KCNB2: variants seen among roughly 807,000 people sequenced by gnomAD.
The protein encoded by KCNB2 is delayed rectifier potassium channel protein.
Under a neutral mutation model 61.5 loss-of-function variants are expected in KCNB2, and 15 were observed. The observed-to-expected ratio is 0.24, with a 90% CI of 0.16 to 0.38. The LOEUF (loss-of-function observed/expected upper bound fraction) is 0.38, where lower values mean the gene tolerates loss of function less well. Ranked by LOEUF, KCNB2 falls within the 10% of genes least tolerant of loss-of-function variation. The pLI, the probability that KCNB2 is intolerant of heterozygous loss-of-function variation, is 1.00. For synonymous variants in KCNB2, 457 were observed against 446.0 expected (o/e 1.02, Z -0.31); for missense variants, 828 against 1,125.2 (o/e 0.74, Z 3.78).
At chr8:72,647,758 C>A (rs1806152649) in intron 2 of KCNB2, among the ~76,000 whole-genome samples, 1 of 152,102 alleles carries the variant, frequency 6.6e-6, no homozygotes, top group South Asian at 2.1e-4. Context: ...AGTGTACATA[C>A]AATTAAGGCA....
chr8:72,570,323 G>C (rs1206218699), intron 2 of KCNB2, among the ~76,000 whole-genome samples: 1 of 152,076 alleles, frequency 6.6e-6, no homozygotes, highest in East Asian at 1.9e-4. Context: ...ATCAAGCTAA[G>C]TAAATCTTCA....
intron 2 of KCNB2, among the ~76,000 whole-genome samples, chr8:72,637,147 C>T (rs75530888): frequency 1.3e-5 from 2 of 152,094 alleles, no homozygotes; most frequent in African/African-American, 2.4e-5. Flanking sequence ...CACAGTCTTA[C>T]GCCTCTGACT....
chr8:72,899,516 G>T (rs942167718), intron 2 of KCNB2, among the ~76,000 whole-genome samples: 1 of 152,128 alleles, frequency 6.6e-6, no homozygotes, highest in East Asian at 1.9e-4. Flanking sequence ...ACTGATAAAT[G>T]ACTTTAGTAA....
chr8:72,820,015 C>T (rs1002234252), intron 2 of KCNB2, among the ~76,000 whole-genome samples: 1 of 152,056 alleles, frequency 6.6e-6, no homozygotes, highest in Non-Finnish European at 1.5e-5. Flanking sequence ...TGCTTCTACT[C>T]AAGACAAACT....
intron 2 of KCNB2, among the ~76,000 whole-genome samples, chr8:72,690,813 T>A (rs924360517): frequency 1.3e-5 from 2 of 152,254 alleles, no homozygotes; most frequent in Non-Finnish European, 2.9e-5. Flanking sequence ...TATGTTTTAA[T>A]GTCACAGGTG....
At chr8:72,796,084 C>G (rs1331220498) in intron 2 of KCNB2, among the ~76,000 whole-genome samples, 2 of 152,144 alleles carry the variant, frequency 1.3e-5, no homozygotes, top group Admixed American at 6.5e-5. Context: ...ATAATAGTTA[C>G]CCTTTTAAGG....
intron 2 of KCNB2, among the ~76,000 whole-genome samples, chr8:72,604,183 A>G (rs925806155): frequency 1.3e-5 from 2 of 152,166 alleles, no homozygotes; most frequent in Non-Finnish European, 2.9e-5. Flanking sequence ...GGTCATAATA[A>G]TCAACCCTAC....
intron 2 of KCNB2, among the ~76,000 whole-genome samples, chr8:72,828,609 G>T (rs1462887273): frequency 1.3e-5 from 2 of 152,110 alleles, no homozygotes; most frequent in Non-Finnish European, 2.9e-5. Context: ...CTCTTTCTAT[G>T]GATCTGTTTT....
chr8:72,709,168 C>G (rs1195201823), intron 2 of KCNB2, among the ~76,000 whole-genome samples: 1 of 152,006 alleles, frequency 6.6e-6, no homozygotes, highest in Admixed American at 6.6e-5. Context: ...TTAAATGTAT[C>G]TAGAAGAACA....
At chr8:72,575,242 C>G (rs1415850886) in intron 2 of KCNB2, among the ~76,000 whole-genome samples, 1 of 144,694 alleles carries the variant, frequency 6.9e-6, no homozygotes, top group East Asian at 2.0e-4. Context: ...TTTAGCTTCT[C>G]CCCCACCCCC....
intron 2 of KCNB2, among the ~76,000 whole-genome samples, chr8:72,804,288 G>T (rs1809180684): frequency 6.6e-6 from 1 of 151,314 alleles, no homozygotes; most frequent in African/African-American, 2.4e-5. Flanking sequence ...CTTCCTCCCG[G>T]TTTTTTTTTA....
At chr8:72,912,763 C>G (rs1000897897) in intron 2 of KCNB2, among the ~76,000 whole-genome samples, 1 of 152,082 alleles carries the variant, frequency 6.6e-6, no homozygotes, top group Non-Finnish European at 1.5e-5. Flanking sequence ...TTTGGACCCA[C>G]ATAGCCTGGA....
At position 72,895,411 on chromosome 8, in the gene KCNB2, G is replaced by A. The variant is rs191953921; in HGVS notation, c.580-40524G>A. Among the ~76,000 whole-genome samples the A allele has an allele frequency of 5.5e-4, 84 of 152,276 alleles. 2 individuals are homozygous for A. The highest frequency in any genetic ancestry group is 5.3e-3 in the Admixed American group (81 of 15,286). On this transcript the variant is annotated intron_variant, in intron 2 of 2. Coordinates refer to ENST00000523207, the MANE Select transcript of KCNB2 (RefSeq NM_004770.3). The stretch of plus-strand genomic sequence containing the variant: ...TTTGAAGGTGGAAGAAGGGGAGCAT[G>A]ACCTAAGTAAGCTGGAAAGAGCAAG...
chr8:72,556,110 T>C (rs1806422340), intron 1 of KCNB2, among the ~76,000 whole-genome samples: 1 of 152,162 alleles, frequency 6.6e-6, no homozygotes, highest in Non-Finnish European at 1.5e-5. Context: ...ACTCAGGGCT[T>C]CAGTTGGTCC....
chr8:72,744,924 G>T (rs1265934216), intron 2 of KCNB2, among the ~76,000 whole-genome samples: 1 of 152,186 alleles, frequency 6.6e-6, no homozygotes, highest in African/African-American at 2.4e-5. Flanking sequence ...CTTATAGGCT[G>T]CCCCACTGGA....
At chr8:72,787,829 T>C (rs1262532061) in intron 2 of KCNB2, among the ~76,000 whole-genome samples, 3 of 152,190 alleles carry the variant, frequency 2.0e-5, no homozygotes, top group Non-Finnish European at 4.4e-5. Flanking sequence ...TGTTTTTTAC[T>C]GATTTTCTCA....
chr8:72,681,653 A>G (rs1806758144), intron 2 of KCNB2, among the ~76,000 whole-genome samples: 1 of 152,222 alleles, frequency 6.6e-6, no homozygotes, highest in Non-Finnish European at 1.5e-5. Context: ...AACCGGTAAC[A>G]TAGTCATTTA....
chr8:72,933,003 C>T (rs1234276302), intron 2 of KCNB2, among the ~76,000 whole-genome samples: 2 of 152,126 alleles, frequency 1.3e-5, no homozygotes, highest in Non-Finnish European at 2.9e-5. Flanking sequence ...AAATTGAGAG[C>T]AAATGGGTTT....
chr8:72,797,093 G>T, intron 2 of KCNB2, among the ~76,000 whole-genome samples: 1 of 152,142 alleles, frequency 6.6e-6, no homozygotes, highest in East Asian at 1.9e-4. Flanking sequence ...CATTTGATAT[G>T]ATATGATTTA....
Sources: allele counts gnomAD v4.1 joint callset (sites outside exome capture counted in the v4.1 genomes callset), GRCh38; gene constraint gnomAD v4.1.1; transcripts MANE v1.5; gene names NCBI Gene and HGNC (gene_info 2026-07-23, HGNC 2026-07-21).